Variants in SLC29A4 observed in about 807,000 individuals in gnomAD.
SLC29A4 encodes the protein solute carrier family 29 member 4.
SLC29A4 carries 36 observed loss-of-function variants against 43.9 expected under a neutral mutation model. That is an observed-to-expected ratio of 0.82 (90% CI 0.63 to 1.08). The LOEUF is 1.08. Among genes scored for constraint, SLC29A4 ranks in the 50% least tolerant of loss-of-function variants. SLC29A4 has a pLI of 0.00. For missense variants in SLC29A4, 869 were observed against 755.3 expected (o/e 1.15, Z -1.77); for synonymous variants, 491 against 338.0 (o/e 1.45, Z -4.97).
At chr7:5,288,151 T>C (rs1785076783) in intron 2 of SLC29A4, among the ~76,000 whole-genome samples, 166 bp downstream of exon 2, 2 of 152,150 alleles carry the variant, frequency 1.3e-5, no homozygotes, top group Admixed American at 6.5e-5. Flanking sequence ...CACGCCCACC[T>C]TCTCAGTGTC....
chr7:5,302,561 G>C lies in SLC29A4; in HGVS notation c.1451-236G>C, dbSNP rs189890382. Among the ~76,000 whole-genome samples the C allele has an allele frequency of 2.0e-3, 301 of 152,242 alleles. 1 individual carries two copies. Among genetic ancestry groups the C allele is most frequent in the African/African-American group, 6.9e-3 (288 of 41,544 alleles). On this transcript the variant is annotated intron_variant, in intron 10 of 10. Coordinates refer to ENST00000396872, the MANE Select transcript of SLC29A4 (RefSeq NM_153247.4). The stretch of plus-strand genomic sequence containing the variant: ...TTGTCTTTAAATTTTAAAAATGGGG[G>C]CTTGGGGGACTCAGAGAAGGCAGGC...
At chr7:5,300,693 G>C in intron 10 of SLC29A4, 31 bp downstream of exon 10, 1 of 1,598,044 alleles carries the variant, frequency 6.3e-7, no homozygotes, top group Non-Finnish European at 8.5e-7. Flanking sequence ...GGGTGGGGGC[G>C]TCCTCCCAGC....
chr7:5,294,189 T>G (rs370841719), intron 5 of SLC29A4, among the ~76,000 whole-genome samples: 1 of 152,136 alleles, frequency 6.6e-6, no homozygotes, highest in East Asian at 1.9e-4. Context: ...AATCCTCCCT[T>G]CTTAGCCTCT....
At chr7:5,295,491 G>A (rs932410054) in intron 6 of SLC29A4, among the ~76,000 whole-genome samples, 8 of 151,962 alleles carry the variant, frequency 5.3e-5, no homozygotes, top group Non-Finnish European at 1.0e-4. Context: ...CATGACATCC[G>A]GCCCTTCTCC....
chr7:5,305,973 A>C lies in SLC29A4; in HGVS notation c.*3034A>C, dbSNP rs1046141767. 6.6e-6 allele frequency: 1 copy of C among 152,104 alleles called. No individual in the cohort carries two copies. Among genetic ancestry groups the C allele is most frequent in the Non-Finnish European group, 1.5e-5 (1 of 68,080 alleles). The allele number at this position is 152,104 out of a possible 1,614,324, so 9.4% of individuals were successfully genotyped here. On this transcript the variant is annotated 3_prime_UTR_variant, in exon 11 of 11. Coordinates refer to ENST00000396872, the MANE Select transcript of SLC29A4 (RefSeq NM_153247.4). ...GCGATTCTCCTGCCTCAGCCTCCCA[A>C]GTAGCTGGGATTACAGGCACGCTCC... is the stretch of plus-strand genomic sequence containing the variant.
intron 1 of SLC29A4, among the ~76,000 whole-genome samples, chr7:5,286,837 C>T (rs1468510823): frequency 6.6e-6 from 1 of 152,206 alleles, no homozygotes; most frequent in Non-Finnish European, 1.5e-5. Flanking sequence ...GGGTTTCTCA[C>T]TTTCCTCAGC....
At chr7:5,301,542 G>T (rs529307208) in intron 10 of SLC29A4, among the ~76,000 whole-genome samples, 107 of 152,300 alleles carry the variant, frequency 7.0e-4, no homozygotes, top group Non-Finnish European at 1.4e-3. Flanking sequence ...TGAGGCCAGG[G>T]GATGGAGCAG....
intron 7 of SLC29A4, 105 bp downstream of exon 7, chr7:5,297,303 CTG>C: frequency 7.7e-7 from 1 of 1,294,512 alleles, no homozygotes; most frequent in Non-Finnish European, 1.0e-6. Context: ...GCATCCCAGA[CTG>C]TGGTCTCCTC....
chr7:5,300,007 G>A (rs550034990), intron 9 of SLC29A4, among the ~76,000 whole-genome samples: 14 of 152,308 alleles, frequency 9.2e-5, no homozygotes, highest in African/African-American at 2.6e-4. Context: ...AGCCGAGATC[G>A]TGCCACTGCA....
intron 7 of SLC29A4, 22 bp downstream of exon 7, chr7:5,297,220 C>G (rs767127286): frequency 1.3e-6 from 2 of 1,545,610 alleles, no homozygotes; most frequent in Non-Finnish European, 1.7e-6. Context: ...CCGCCCACCT[C>G]TGTTCCCTTC....
chr7:5,297,318 G>C, intron 7 of SLC29A4, 120 bp downstream of exon 7: 11 of 1,170,358 alleles, frequency 9.4e-6, no homozygotes, highest in South Asian at 1.7e-5. Flanking sequence ...GTCTCCTCCT[G>C]TGGTGGAGAC....
chr7:5,290,755 G>A lies in SLC29A4; in HGVS notation c.193G>A (p.Asp65Asn). The A allele has an allele frequency of 6.2e-7, 1 of 1,613,058 alleles. No individual in the cohort carries two copies. Among genetic ancestry groups the A allele is most frequent in the Non-Finnish European group, 8.5e-7 (1 of 1,179,230 alleles). ...AGCATTGGACGAGCCAGTGCCCGAT[G>A]ACCGTTATCACGCCATCTACTTTGC... ...DTTLDEPVPDDRYHAIYFAML... is the reference protein window; with the variant it reads ...DTTLDEPVPDNRYHAIYFAML... Residue 65 changes from aspartate to asparagine, a missense_variant, in exon 3 of 11, where the codon GAC (aspartate) becomes AAC (asparagine). Transcript: ENST00000396872.
intron 5 of SLC29A4, among the ~76,000 whole-genome samples, chr7:5,292,519 C>G (rs574874179): frequency 2.0e-4 from 30 of 152,172 alleles, no homozygotes; most frequent in African/African-American, 7.2e-4. Context: ...CTCTCTCCCC[C>G]TCTCCCTCCA....
intron 1 of SLC29A4, among the ~76,000 whole-genome samples, chr7:5,284,216 T>C (rs1268930331): frequency 6.6e-6 from 1 of 152,014 alleles, no homozygotes; most frequent in Non-Finnish European, 1.5e-5. Flanking sequence ...AGACCCCACC[T>C]CTACAAAAAT....
At chr7:5,284,911 C>T (rs752905402) in intron 1 of SLC29A4, among the ~76,000 whole-genome samples, 10 of 152,212 alleles carry the variant, frequency 6.6e-5, no homozygotes, top group Admixed American at 2.6e-4. Context: ...CAGGAGTGTT[C>T]AGGGCACTGC....
rs1487481960 is a variant in SLC29A4, at chr7:5,296,840, T to TG, written c.620-92dup. 5 of 1,155,988 alleles carry TG rather than the reference T, an allele frequency of 4.3e-6. No homozygotes were observed. The African/African-American group carries it at 1.2e-4, about 27-fold the overall frequency. 71.6% of individuals were successfully genotyped at this position (1,155,988 alleles called of 1,614,324 possible). A position where few individuals can be genotyped will look rare whatever the true frequency, so the allele number is the denominator to read the frequency against. The stretch of plus-strand genomic sequence containing the variant: ...GGCCTGTGGTGGAGGGCGGGGCCGG[T>TG]GGGGAGGGGTCTGTGTGTGGACGGG... On this transcript the variant is annotated intron_variant, in intron 6 of 10. Coordinates refer to ENST00000396872, the MANE Select transcript of SLC29A4 (RefSeq NM_153247.4).
chr7:5,296,868 T>TGGGGCGGGACGGGGCGGTGCAG, intron 6 of SLC29A4, 68 bp from the exon 7 acceptor site: 3 of 1,185,740 alleles, frequency 2.5e-6, no homozygotes, highest in Non-Finnish European at 3.2e-6. Context: ...TGGACGGGGC[T>TGGGGCGGGACGGGGCGGTGCAG]GGGGCGGGAC....
intron 5 of SLC29A4, among the ~76,000 whole-genome samples, chr7:5,294,636 A>G (rs1297260751): frequency 6.6e-6 from 1 of 152,080 alleles, no homozygotes; most frequent in East Asian, 1.9e-4. Flanking sequence ...GTGACGTGTC[A>G]TTTCTGCAGA....
intron 9 of SLC29A4, among the ~76,000 whole-genome samples, chr7:5,299,873 G>A (rs768236033): frequency 1.6e-4 from 25 of 152,214 alleles, no homozygotes; most frequent in Non-Finnish European, 3.7e-4. Context: ...CCAACATGGT[G>A]AAACCCCGTG....
Sources: gnomAD v4.1 joint callset for allele counts (sites outside exome capture counted in the v4.1 genomes callset) on GRCh38, gnomAD v4.1.1 for gene constraint, MANE v1.5 for transcripts, NCBI Gene and HGNC (gene_info 2026-07-23, HGNC 2026-07-21) for gene names.